The following KIAA1958 variants were observed in gnomAD, a reference collection of about 807,000 sequenced individuals.
The protein encoded by KIAA1958 is KIAA1958.
KIAA1958 carries 14 observed loss-of-function variants against 47.2 expected under a neutral mutation model. The observed-to-expected ratio is 0.30, with a 90% CI of 0.20 to 0.46. KIAA1958 has a LOEUF of 0.46. KIAA1958 is among the 20% of genes least tolerant of loss of function. The probability of loss-of-function intolerance (pLI) is 1.00; values close to 1 mark genes in which losing one functional copy is unlikely to be tolerated. For synonymous variants in KIAA1958, 354 were observed against 353.3 expected, an observed-to-expected ratio of 1.00 and a Z score of -0.02; for missense variants, 803 against 909.2, an observed-to-expected ratio of 0.88 and a Z score of 1.50.
chr9:112,569,689 T>C (rs1359072021), intron 1 of KIAA1958, among the ~76,000 whole-genome samples: 1 of 151,898 alleles, frequency 6.6e-6, no homozygotes, highest in Non-Finnish European at 1.5e-5. Flanking sequence ...GGCATGATCT[T>C]AGCTCACTGC....
chr9:112,534,779 G>T (rs1333569630), intron 1 of KIAA1958, among the ~76,000 whole-genome samples: 1 of 151,936 alleles, frequency 6.6e-6, no homozygotes, highest in South Asian at 2.1e-4. Context: ...CCTGACCTCA[G>T]GTGATCTGCC....
In KIAA1958 at chr9:112,574,076, G is replaced by A. The variant is rs368954378; in HGVS notation, c.-5G>A. The A allele has an allele frequency of 4.5e-6, 7 of 1,561,670 alleles. No homozygotes were observed. The African/African-American group carries it at 6.8e-5, about 15-fold the overall frequency. ...CTTTAGGAGTGACACTGCTGATCCT[G>A]TAACATGGAGGATTGTCTTCATACC... is the stretch of plus-strand genomic sequence containing the variant. On this transcript the variant is annotated 5_prime_UTR_variant, in exon 2 of 4. Transcript: ENST00000337530.
rs573576910 is a variant in KIAA1958, at chr9:112,544,557, G to C, written c.-24-29500G>C. ...GGATTGGTGAAGGGACTTGCTCAAA[G>C]TCATGTGACTATTTAGGGGGCAGCC... On this transcript the variant is annotated intron_variant, in intron 1 of 3. Transcript: ENST00000337530. Among the ~76,000 whole-genome samples the C allele has an allele frequency of 3.2e-4, 5 of 15,774 alleles. No homozygotes were observed. In the East Asian group the frequency reaches 4.2e-3, roughly 13 times the overall value. The allele number at this position is 15,774 out of a possible 152,430, so 10.3% of individuals were successfully genotyped here. A position where few individuals can be genotyped will look rare whatever the true frequency, so the allele number is the denominator to read the frequency against.
At chr9:112,658,123 T>A (rs1292898570) in intron 3 of KIAA1958, among the ~76,000 whole-genome samples, 4 of 152,214 alleles carry the variant, frequency 2.6e-5, no homozygotes, top group Non-Finnish European at 5.9e-5. Flanking sequence ...TCTCTAAGTG[T>A]TGGGATTACA....
At chr9:112,614,391 C>CT (rs1350139800) in intron 2 of KIAA1958, among the ~76,000 whole-genome samples, 1 of 151,846 alleles carries the variant, frequency 6.6e-6, no homozygotes, top group African/African-American at 2.4e-5. Context: ...AATGACTAGT[C>CT]TATTTCATTG....
intron 1 of KIAA1958, among the ~76,000 whole-genome samples, chr9:112,551,747 A>G (rs1044397871): frequency 6.6e-6 from 1 of 152,158 alleles, no homozygotes; most frequent in Non-Finnish European, 1.5e-5. Flanking sequence ...CAGTTCTTAG[A>G]GAGTTAATTC....
chr9:112,526,589 G>A (rs376122505), intron 1 of KIAA1958, among the ~76,000 whole-genome samples: 1 of 152,318 alleles, frequency 6.6e-6, no homozygotes, highest in East Asian at 1.9e-4. Flanking sequence ...TTTGCTCACA[G>A]TTCTGGAGGC....
At chr9:112,650,917 A>G (rs976353512) in intron 3 of KIAA1958, among the ~76,000 whole-genome samples, 21 of 152,262 alleles carry the variant, frequency 1.4e-4, no homozygotes, top group South Asian at 2.1e-4. Context: ...GTAGAATTCC[A>G]CAGAAGGAAT....
chr9:112,627,825 CCACTT>C, intron 2 of KIAA1958, among the ~76,000 whole-genome samples: 1 of 152,160 alleles, frequency 6.6e-6, no homozygotes, highest in African/African-American at 2.4e-5. Flanking sequence ...CTCACAGTTC[CCACTT>C]GTTAACTTTT....
chr9:112,660,222 G>T lies in KIAA1958; in HGVS notation c.*153G>T. The stretch of plus-strand genomic sequence containing the variant: ...TGGCCTGCCCTCCCTTTGACTTGGG[G>T]TTTGCTTTTTAAAATGAAACTAGAT... On this transcript the variant is annotated 3_prime_UTR_variant, in exon 4 of 4. Transcript: ENST00000337530. 1.6e-6 allele frequency: 1 copy of T among 627,318 alleles called. No individual in the cohort carries two copies. The highest frequency in any genetic ancestry group is 2.9e-5 in the Admixed American group (1 of 34,312). 38.9% of individuals were successfully genotyped at this position (627,318 alleles called of 1,614,324 possible).
At chr9:112,514,982 T>TG (rs1834391743) in intron 1 of KIAA1958, among the ~76,000 whole-genome samples, 4 of 38,942 alleles carry the variant, frequency 1.0e-4, no homozygotes, top group Admixed American at 2.4e-4. Flanking sequence ...GGGAGGGAGG[T>TG]GGGGGGGTCG....
rs1451136766 is a variant in KIAA1958, at chr9:112,663,402, A to G, written c.*3333A>G. 1 of 152,250 alleles carries G rather than the reference A, an allele frequency of 6.6e-6. No individual in the cohort carries two copies. The highest frequency in any genetic ancestry group is 2.4e-5 in the African/African-American group (1 of 41,474). 9.4% of individuals were successfully genotyped at this position (152,250 alleles called of 1,614,324 possible). Reference sequence around the variant, plus strand: ...GCAATAAATGTTAGCCAGCTTAGTTATAACTTTTGGTAATAATTAATATTA... The same window carrying G: ...GCAATAAATGTTAGCCAGCTTAGTTGTAACTTTTGGTAATAATTAATATTA... On this transcript the variant is annotated 3_prime_UTR_variant, in exon 4 of 4. Coordinates refer to ENST00000337530, the MANE Select transcript of KIAA1958 (RefSeq NM_133465.4).
intron 3 of KIAA1958, among the ~76,000 whole-genome samples, chr9:112,646,959 T>C (rs1457330926): frequency 6.6e-6 from 1 of 152,192 alleles, no homozygotes; most frequent in Non-Finnish European, 1.5e-5. Flanking sequence ...CTGTTAAAGC[T>C]GGAAGTATAC....
rs1484952882 is a variant in KIAA1958 at position 112,659,356 on chromosome 9, G to A, written c.1438G>A (p.Ala480Thr). ...GGACTTCCTGGCCACCTCGCTCCAT[G>A]CTATTCGCCGAGGCCTGGACCGCAT... ...GSDFLATSLH[A>T]IRRGLDRILK... The change falls in exon 4 of 4, where the codon GCT (alanine) becomes ACT (threonine). Residue 480 changes from alanine (A) to threonine (T), a missense_variant. Around this residue, in one of 2 missense-constraint regions of KIAA1958, gnomAD observed 761 missense variants for 829.3 expected, o/e 0.92. Coordinates refer to ENST00000337530, the MANE Select transcript of KIAA1958 (RefSeq NM_133465.4). 3 of 1,614,038 alleles carry A rather than the reference G, an allele frequency of 1.9e-6. No individual in the cohort carries two copies. The highest frequency in any genetic ancestry group is 1.3e-5 in the African/African-American group (1 of 74,920).
intron 2 of KIAA1958, among the ~76,000 whole-genome samples, chr9:112,637,439 T>G (rs1180897144): frequency 6.6e-6 from 1 of 152,148 alleles, no homozygotes; most frequent in Non-Finnish European, 1.5e-5. Context: ...TGGAGTGAAG[T>G]GGCGCAATCT....
chr9:112,551,201 C>A (rs542530684), intron 1 of KIAA1958, among the ~76,000 whole-genome samples: 1 of 152,250 alleles, frequency 6.6e-6, no homozygotes, highest in African/African-American at 2.4e-5. Context: ...CTATCACTGT[C>A]ATCCATCTCC....
intron 1 of KIAA1958, among the ~76,000 whole-genome samples, chr9:112,499,660 A>G (rs1015790990): frequency 6.6e-6 from 1 of 151,440 alleles, no homozygotes; most frequent in Non-Finnish European, 1.5e-5. Context: ...GTCTTAACAC[A>G]AACTATATTT....
chr9:112,602,242 T>G (rs1194473149), intron 2 of KIAA1958, among the ~76,000 whole-genome samples: 1 of 152,170 alleles, frequency 6.6e-6, no homozygotes, highest in Non-Finnish European at 1.5e-5. Context: ...CCCAAAAGAT[T>G]GCAGGTATTA....
chr9:112,540,944 C>T (rs1181536733), intron 1 of KIAA1958, among the ~76,000 whole-genome samples: 4 of 152,100 alleles, frequency 2.6e-5, no homozygotes, highest in Admixed American at 2.6e-4. Flanking sequence ...TGGTCTTGAA[C>T]TCCTGGCTCA....
Sources: gnomAD v4.1 joint callset for allele counts (sites outside exome capture counted in the v4.1 genomes callset) on GRCh38, gnomAD v4.1.1 for gene constraint, gnomAD v4.1.1 regional missense constraint, MANE v1.5 for transcripts, NCBI Gene and HGNC (gene_info 2026-07-23, HGNC 2026-07-21) for gene names.